Variants in INPP5A observed in about 807,000 individuals in gnomAD.
The protein encoded by INPP5A is 43 kDa inositol polyphosphate 5-phophatase.
INPP5A carries 14 observed loss-of-function variants against 65.2 expected under a neutral mutation model. The observed-to-expected ratio is 0.21, with a 90% CI of 0.14 to 0.34. The LOEUF (loss-of-function observed/expected upper bound fraction) is 0.34. Ranked by LOEUF, INPP5A falls within the 10% of genes least tolerant of loss-of-function variation. INPP5A has a pLI of 1.00. For synonymous variants in INPP5A, 207 were observed against 208.3 expected (o/e 0.99, Z 0.05); for missense variants, 431 against 545.6 (o/e 0.79, Z 2.09).
chr10:132,558,395 C>T lies in INPP5A; in HGVS notation c.75+20224C>T, dbSNP rs192199869. Among the ~76,000 whole-genome samples the T allele has an allele frequency of 4.7e-4, 72 of 152,350 alleles. No individual in the cohort carries two copies. In the East Asian group the frequency reaches 0.013, roughly 27 times the overall value. ...GATCCTCGCCTGACATCCAGTCCCC[C>T]TCCTCAGGCCCTGACAGCTGCATGG... On this transcript the variant is annotated intron_variant, in intron 1 of 15. Transcript: ENST00000368594.
chr10:132,647,813 C>T (rs1418612473), intron 3 of INPP5A, among the ~76,000 whole-genome samples: 2 of 152,250 alleles, frequency 1.3e-5, no homozygotes, highest in East Asian at 3.9e-4. Context: ...CTCACTCACC[C>T]TACATAAGAT....
In INPP5A at chr10:132,711,216, G is replaced by A. The variant is rs1304701845; in HGVS notation, c.647+760G>A. The stretch of plus-strand genomic sequence containing the variant: ...CTGGGCCCCTGCCCCCCAGTGCTCC[G>A]GGCTGCTCCACCGGTGATACTGTGG... On this transcript the variant is annotated intron_variant, in intron 8 of 15. Coordinates refer to ENST00000368594, the MANE Select transcript of INPP5A (RefSeq NM_005539.5). Among the ~76,000 whole-genome samples, 4 of 152,252 alleles carry A rather than the reference G, an allele frequency of 2.6e-5. No homozygotes were observed. The East Asian group carries it at 5.8e-4, about 22-fold the overall frequency.
chr10:132,626,227 A>T (rs959150607), intron 2 of INPP5A, among the ~76,000 whole-genome samples: 2 of 152,142 alleles, frequency 1.3e-5, no homozygotes, highest in Middle Eastern at 3.4e-3. Context: ...TGTGGGGCCC[A>T]CTCTGCGCTC....
intron 8 of INPP5A, among the ~76,000 whole-genome samples, chr10:132,715,341 T>A (rs910730194): frequency 2.6e-5 from 4 of 152,230 alleles, no homozygotes; most frequent in African/African-American, 9.6e-5. Flanking sequence ...CCCCATTATT[T>A]TCTCACAAAT....
chr10:132,628,137 G>A (rs567929875), intron 2 of INPP5A, among the ~76,000 whole-genome samples: 48 of 152,320 alleles, frequency 3.2e-4, no homozygotes, highest in African/African-American at 4.8e-4. Context: ...CAGTGGTCTG[G>A]TCTCCTTTGG....
chr10:132,561,358 A>T (rs562335799), intron 1 of INPP5A, among the ~76,000 whole-genome samples: 15 of 151,582 alleles, frequency 9.9e-5, no homozygotes, highest in Admixed American at 2.6e-4. Context: ...GGTCTTTGAA[A>T]TATTTTGAGT....
chr10:132,753,193 C>T lies in INPP5A; in HGVS notation c.903+3348C>T, dbSNP rs751567221. Among the ~76,000 whole-genome samples, 16 of 152,126 alleles carry T rather than the reference C, an allele frequency of 1.1e-4. No homozygotes were observed. The highest frequency in any genetic ancestry group is 1.9e-4 in the Non-Finnish European group (13 of 68,022). On this transcript the variant is annotated intron_variant, in intron 11 of 15. Coordinates refer to ENST00000368594, the MANE Select transcript of INPP5A (RefSeq NM_005539.5). The surrounding 1 kb of genome is among the most constrained non-coding windows in gnomAD (Gnocchi z 5.3). ...GCACTTGCCCGAGGTGCCGGCATGC[C>T]GAGTCAGTTGTGCCCAGAAATTGGC...
intron 1 of INPP5A, among the ~76,000 whole-genome samples, chr10:132,596,820 T>C (rs1179735985): frequency 6.6e-6 from 1 of 151,066 alleles, no homozygotes; most frequent in Admixed American, 6.6e-5. Flanking sequence ...TGTGTGTCCA[T>C]GTGTTTGCTT....
intron 11 of INPP5A, among the ~76,000 whole-genome samples, chr10:132,764,320 T>C (rs115473587): frequency 7.2e-4 from 110 of 152,212 alleles, no homozygotes; most frequent in Middle Eastern, 3.4e-3. Flanking sequence ...GACTAATGAA[T>C]AGCACCAGAG....
rs1002614735 is a variant in INPP5A, at chr10:132,663,851, C to G, written c.306+13346C>G. ...GCCGCGCTCACATCATTCCTCTCCCCCTGTCGCCGGGTGGGAAATCCGTAA... is the reference window on the plus strand; with the variant it reads ...GCCGCGCTCACATCATTCCTCTCCCGCTGTCGCCGGGTGGGAAATCCGTAA... On this transcript the variant is annotated intron_variant, in intron 4 of 15. Transcript: ENST00000368594. This position sits in a 1 kb window ranked among gnomAD's most constrained non-coding sequence, Gnocchi z 4.5. Among the ~76,000 whole-genome samples, 3 of 152,210 alleles carry G rather than the reference C, an allele frequency of 2.0e-5. No individual in the cohort carries two copies. Among genetic ancestry groups the G allele is most frequent in the African/African-American group, 4.8e-5 (2 of 41,458 alleles).
Position 132,776,146 on chromosome 10 carries a change from A to G in INPP5A, c.978-1525A>G, listed in dbSNP as rs565231923. On this transcript the variant is annotated intron_variant, in intron 12 of 15. Coordinates refer to ENST00000368594, the MANE Select transcript of INPP5A (RefSeq NM_005539.5). ...TCAAACATGTGAAATGGGGCAGGCCACCAGGTTGCTGGCTCTCCTGAAAGC... is the reference window on the plus strand; with the variant it reads ...TCAAACATGTGAAATGGGGCAGGCCGCCAGGTTGCTGGCTCTCCTGAAAGC... Among the ~76,000 whole-genome samples, 169 of 152,278 alleles carry G rather than the reference A, an allele frequency of 1.1e-3. 1 individual carries two copies. The highest frequency in any genetic ancestry group is 3.9e-3 in the African/African-American group (163 of 41,556).
At chr10:132,593,733 A>T (rs2819712) in intron 1 of INPP5A, among the ~76,000 whole-genome samples, 37,416 of 151,364 alleles carry the variant, frequency 0.25, 5,442 homozygotes, top group East Asian at 0.5. Context: ...TTTATTTGTG[A>T]TTTTCTACAA....
chr10:132,609,027 C>T (rs1424034117), intron 2 of INPP5A, among the ~76,000 whole-genome samples: 1 of 152,190 alleles, frequency 6.6e-6, no homozygotes, highest in African/African-American at 2.4e-5. Context: ...TGCAATGGTG[C>T]TCTGTAGCCG....
In INPP5A at chr10:132,659,447, G is replaced by A. The variant is rs761331243; in HGVS notation, c.306+8942G>A. On this transcript the variant is annotated intron_variant, in intron 4 of 15. Coordinates refer to ENST00000368594, the MANE Select transcript of INPP5A (RefSeq NM_005539.5). The surrounding 1 kb of genome is among the most constrained non-coding windows in gnomAD (Gnocchi z 5.5). ...GCTGGCCATGAGGTCCCTGTGGGGTGCATCCACGGACGCGGGTCTGGAGGC... is the reference window on the plus strand; with the variant it reads ...GCTGGCCATGAGGTCCCTGTGGGGTACATCCACGGACGCGGGTCTGGAGGC... Among the ~76,000 whole-genome samples, 5 of 152,218 alleles carry A rather than the reference G, an allele frequency of 3.3e-5. No homozygotes were observed. The highest frequency in any genetic ancestry group is 4.4e-5 in the Non-Finnish European group (3 of 68,030).
chr10:132,587,115 G>A lies in INPP5A; in HGVS notation c.76-20800G>A, dbSNP rs1452297532. Among the ~76,000 whole-genome samples, 1 of 152,190 alleles carries A rather than the reference G, an allele frequency of 6.6e-6. No homozygotes were observed. Among genetic ancestry groups the A allele is most frequent in the Non-Finnish European group, 1.5e-5 (1 of 68,036 alleles). ...TGAGCCATGTAGTGTGCTATGACTT[G>A]ATTTTTTCAGTTTTAAAAAATAATA... On this transcript the variant is annotated intron_variant, in intron 1 of 15. Coordinates refer to ENST00000368594, the MANE Select transcript of INPP5A (RefSeq NM_005539.5). This position sits in a 1 kb window ranked among gnomAD's most constrained non-coding sequence, Gnocchi z 4.3.
At chr10:132,662,287 C>T (rs1039147353) in intron 4 of INPP5A, among the ~76,000 whole-genome samples, 4 of 152,176 alleles carry the variant, frequency 2.6e-5, no homozygotes, top group Admixed American at 2.6e-4. Flanking sequence ...CCAGCCGTTT[C>T]CCTCTTCAGT....
intron 4 of INPP5A, among the ~76,000 whole-genome samples, chr10:132,662,070 C>T (rs2072743615): frequency 6.6e-6 from 1 of 152,202 alleles, no homozygotes; most frequent in African/African-American, 2.4e-5. Flanking sequence ...TCCACAAGAT[C>T]ACACAGGACT....
chr10:132,753,049 A>G lies in INPP5A; in HGVS notation c.903+3204A>G, dbSNP rs1010532078. Among the ~76,000 whole-genome samples the G allele has an allele frequency of 1.3e-5, 2 of 152,158 alleles. No individual in the cohort carries two copies. The highest frequency in any genetic ancestry group is 2.4e-5 in the African/African-American group (1 of 41,434). ...GAGGCGCCTTCTGAGGCTGTTTCTCATGAGAAGAGCCGATGCCTCGGCGTT... is the reference window on the plus strand; with the variant it reads ...GAGGCGCCTTCTGAGGCTGTTTCTCGTGAGAAGAGCCGATGCCTCGGCGTT... On this transcript the variant is annotated intron_variant, in intron 11 of 15. Coordinates refer to ENST00000368594, the MANE Select transcript of INPP5A (RefSeq NM_005539.5). The surrounding 1 kb of genome is among the most constrained non-coding windows in gnomAD (Gnocchi z 5.3).
chr10:132,611,831 A>T (rs1473544341), intron 2 of INPP5A, among the ~76,000 whole-genome samples: 64 of 69,026 alleles, frequency 9.3e-4, no homozygotes, highest in Middle Eastern at 0.013. Context: ...GGAGGTGAGG[A>T]GGGCAGGGGA....
Sources: gnomAD v4.1 joint callset for allele counts (sites outside exome capture counted in the v4.1 genomes callset) on GRCh38, gnomAD v4.1.1 for gene constraint, Gnocchi (gnomAD v3.1) non-coding constraint, MANE v1.5 for transcripts, NCBI Gene and HGNC (gene_info 2026-07-23, HGNC 2026-07-21) for gene names.